ZNF385D: variants seen among roughly 807,000 people sequenced by gnomAD.
The protein encoded by ZNF385D is zinc finger protein 385D.
Under a neutral mutation model 35.8 loss-of-function variants are expected in ZNF385D, and 15 were observed. That is an observed-to-expected ratio of 0.42 (90% confidence interval 0.28 to 0.64). The LOEUF (loss-of-function observed/expected upper bound fraction) is 0.64. ZNF385D is among the 30% of genes least tolerant of loss of function. The pLI, the probability that ZNF385D is intolerant of heterozygous loss-of-function variation, is 0.23. For missense variants in ZNF385D, 474 were observed against 494.6 expected, an observed-to-expected ratio of 0.96 and a Z score of 0.39; for synonymous variants, 212 against 186.8, an observed-to-expected ratio of 1.13 and a Z score of -1.10.
At chr3:22,206,783 A>G (rs546346850) in intron 2 of ZNF385D, among the ~76,000 whole-genome samples, 2 of 152,062 alleles carry the variant, frequency 1.3e-5, no homozygotes, top group Admixed American at 6.6e-5. Context: ...AAGCAACACT[A>G]AGGAGGAAGT....
At chr3:21,898,817 A>G (rs936048691) in intron 3 of ZNF385D, among the ~76,000 whole-genome samples, 2 of 152,268 alleles carry the variant, frequency 1.3e-5, no homozygotes, top group Middle Eastern at 3.4e-3. Flanking sequence ...TCTCAGCATC[A>G]CATTCATAAA....
chr3:22,166,842 A>G (rs1448953298), intron 3 of ZNF385D, among the ~76,000 whole-genome samples: 1 of 152,248 alleles, frequency 6.6e-6, no homozygotes, highest in African/African-American at 2.4e-5. Flanking sequence ...TGTGACTATC[A>G]AGATAGGTGA....
chr3:21,902,399 T>A (rs80171057), intron 3 of ZNF385D, among the ~76,000 whole-genome samples: 1 of 152,228 alleles, frequency 6.6e-6, no homozygotes, highest in African/African-American at 2.4e-5. Context: ...AAAATAGAGA[T>A]CGATCCAGAG....
At position 21,425,601 on chromosome 3, in the gene ZNF385D, C is replaced by G; in HGVS notation, c.743G>C (p.Gly248Ala). The G allele has an allele frequency of 6.2e-7, 1 of 1,607,508 alleles. No homozygotes were observed. Among genetic ancestry groups the G allele is most frequent in the Non-Finnish European group, 8.5e-7 (1 of 1,176,668 alleles). ...SGTIKAFPRA[G>A]VKGKGPVNKG... Reference sequence around the variant, plus strand: ...ATTAACAGGTCCTTTGCCTTTCACTCCTGCCCTAGGAAAGGCTTTGATAGT... The same window carrying G: ...ATTAACAGGTCCTTTGCCTTTCACTGCTGCCCTAGGAAAGGCTTTGATAGT... The change falls in exon 6 of 8, where the codon GGA becomes GCA. Residue 248 changes from glycine to alanine, a missense_variant. Physicochemically the swap from Gly to Ala is moderately conservative, Grantham distance 60. Transcript: ENST00000281523.
chr3:21,669,383 G>A (rs530336689), intron 1 of ZNF385D, among the ~76,000 whole-genome samples: 10 of 151,988 alleles, frequency 6.6e-5, no homozygotes, highest in South Asian at 2.1e-4. Flanking sequence ...TTTCAAATGC[G>A]AACTATAGAA....
intron 3 of ZNF385D, among the ~76,000 whole-genome samples, chr3:21,538,417 G>A (rs2062090023): frequency 6.6e-6 from 1 of 152,068 alleles, no homozygotes; most frequent in African/African-American, 2.4e-5. Flanking sequence ...GATAGGATAG[G>A]TTGTGTGATA....
intron 3 of ZNF385D, among the ~76,000 whole-genome samples, chr3:22,091,859 G>C (rs1245009743): frequency 6.6e-6 from 1 of 152,134 alleles, no homozygotes; most frequent in Admixed American, 6.6e-5. Context: ...AGTGGTAGGT[G>C]GTTAACTTTA....
intron 3 of ZNF385D, among the ~76,000 whole-genome samples, chr3:21,791,960 C>G (rs2071948286): frequency 6.6e-6 from 1 of 152,150 alleles, no homozygotes; most frequent in African/African-American, 2.4e-5. Context: ...GTCTCGATCT[C>G]CTGACCTCGT....
chr3:21,841,526 A>G lies in ZNF385D; in HGVS notation c.326-176498T>C, dbSNP rs145110431. 4.2e-4 allele frequency among the ~76,000 whole-genome samples: 64 copies of G among 152,180 alleles called. No individual in the cohort carries two copies. In the East Asian group the frequency reaches 0.012, roughly 29 times the overall value. ...AAGTTTTGCTAATTTTATGAGCACA[A>G]TGATAATAGCTCTTCGTTTTAATTG... On this transcript the variant is annotated intron_variant, in intron 3 of 5. Transcript: ENST00000494108.
chr3:21,622,433 G>A (rs1559467455), intron 2 of ZNF385D, among the ~76,000 whole-genome samples: 1 of 152,048 alleles, frequency 6.6e-6, no homozygotes, highest in African/African-American at 2.4e-5. Flanking sequence ...GTCAAGTGAT[G>A]GAATAAATTA....
intron 2 of ZNF385D, among the ~76,000 whole-genome samples, chr3:22,328,318 G>A (rs538871823): frequency 6.6e-6 from 1 of 150,936 alleles, no homozygotes. Flanking sequence ...TTTGATTTAG[G>A]GATTTCTCTT....
chr3:22,197,690 C>T (rs774514117), intron 2 of ZNF385D, among the ~76,000 whole-genome samples: 3 of 152,060 alleles, frequency 2.0e-5, no homozygotes, highest in Non-Finnish European at 4.4e-5. Flanking sequence ...TATGAGTCAG[C>T]CAGATGCTCT....
intron 3 of ZNF385D, among the ~76,000 whole-genome samples, chr3:21,951,341 T>A (rs968921465): frequency 2.0e-5 from 3 of 151,748 alleles, no homozygotes; most frequent in Admixed American, 6.6e-5. Flanking sequence ...GATTTGGCTA[T>A]CTGATTGTCT....
chr3:21,479,759 T>C (rs937210642), intron 4 of ZNF385D, among the ~76,000 whole-genome samples: 2 of 152,176 alleles, frequency 1.3e-5, no homozygotes, highest in South Asian at 4.1e-4. Context: ...GCTTCACTTA[T>C]GGCTGTCTCT....
At position 21,738,449 on chromosome 3, in the gene ZNF385D, C is replaced by T. The variant is rs998011145; in HGVS notation, c.22+12446G>A. ...AAGACTGTTTGGGTTGCCATACTTA[C>T]AAAAGTGGCTGTCAGGGACTAAGCA... On this transcript the variant is annotated intron_variant, in intron 1 of 7. Transcript: ENST00000281523. Among the ~76,000 whole-genome samples the T allele has an allele frequency of 2.0e-5, 3 of 152,174 alleles. No homozygotes were observed. The East Asian group carries it at 5.8e-4, about 29-fold the overall frequency.
At chr3:21,529,338 C>T (rs892538542) in intron 3 of ZNF385D, among the ~76,000 whole-genome samples, 4 of 152,126 alleles carry the variant, frequency 2.6e-5, no homozygotes, top group African/African-American at 9.7e-5. Flanking sequence ...CCTAAGGAGA[C>T]TTGCAAATGA....
intron 1 of ZNF385D, among the ~76,000 whole-genome samples, chr3:21,681,316 A>AAAAACAAAAAAAAAAAAAAAAAC (rs1553636419): frequency 7.1e-6 from 1 of 141,676 alleles, no homozygotes; most frequent in Non-Finnish European, 1.6e-5. Flanking sequence ...AAAAAAAAAA[A>AAAAACAAAAAAAAAAAAAAAAAC]AAAAAAAACC....
intron 3 of ZNF385D, among the ~76,000 whole-genome samples, chr3:21,819,883 G>T (rs888719346): frequency 6.8e-6 from 1 of 147,358 alleles, no homozygotes; most frequent in Non-Finnish European, 1.5e-5. Flanking sequence ...ACATAATTAG[G>T]TTATACTTCA....
At chr3:21,673,441 G>A (rs1309712677) in intron 1 of ZNF385D, among the ~76,000 whole-genome samples, 1 of 152,074 alleles carries the variant, frequency 6.6e-6, no homozygotes, top group East Asian at 1.9e-4. Context: ...CAGATAAGAT[G>A]CTTGATACAG....
Sources: allele counts gnomAD v4.1 joint callset (sites outside exome capture counted in the v4.1 genomes callset), GRCh38; gene constraint gnomAD v4.1.1; transcripts MANE v1.5; gene names NCBI Gene and HGNC (gene_info 2026-07-23, HGNC 2026-07-21).